The following CABLES2 variants were observed in gnomAD, a reference collection of about 807,000 sequenced individuals.
The protein encoded by CABLES2 is Cdk5 and Abl enzyme substrate 2, also known as CDK5 and ABL1 enzyme substrate 2.
In CABLES2, 35 loss-of-function variants were observed where a neutral mutation model predicts 44.8. The observed-to-expected ratio is 0.78, with a 90% CI of 0.60 to 1.04. CABLES2 has a LOEUF of 1.04. Ranked by LOEUF, CABLES2 falls within the 50% of genes least tolerant of loss-of-function variation. The probability of loss-of-function intolerance (pLI) is 0.00; values close to 1 mark genes in which losing one functional copy is unlikely to be tolerated. For synonymous variants in CABLES2, 282 were observed against 281.1 expected, an observed-to-expected ratio of 1.00 and a Z score of -0.03; for missense variants, 566 against 615.7, an observed-to-expected ratio of 0.92 and a Z score of 0.85.
intron 1 of CABLES2, chr20:62,405,802 AG>A (rs1569020345): frequency 6.6e-6 from 1 of 152,272 alleles, no homozygotes; most frequent in Non-Finnish European, 1.5e-5. Flanking sequence ...GCCGCCCAGC[AG>A]GCACTTGGAC....
chr20:62,401,593 G>A (rs1191898536), intron 1 of CABLES2, among the ~76,000 whole-genome samples: 1 of 152,206 alleles, frequency 6.6e-6, no homozygotes, highest in African/African-American at 2.4e-5. Context: ...ACCACCTTAC[G>A]CCTAGCTGGA....
intron 6 of CABLES2, 39 bp downstream of exon 6, chr20:62,393,401 T>C (rs768404396): frequency 6.5e-7 from 1 of 1,549,852 alleles, no homozygotes; most frequent in Non-Finnish European, 8.7e-7. Context: ...GGCACGCGGG[T>C]CACCCTGTTC....
Position 62,397,909 on chromosome 20 carries a change from T to C in CABLES2, c.363-1317A>G, listed in dbSNP as rs1262141748. ...GTGGTGATGGCGGTGGTGGTGATGG[T>C]GATGGCAGTGGTGATGGTGGTGGTG... On this transcript the variant is annotated intron_variant, in intron 1 of 9. Coordinates refer to ENST00000279101, the MANE Select transcript of CABLES2 (RefSeq NM_031215.3). Among the ~76,000 whole-genome samples, 982 of 148,630 alleles carry C rather than the reference T, an allele frequency of 6.6e-3. 37 individuals are homozygous for C. Among genetic ancestry groups the C allele is most frequent in the African/African-American group, 0.023 (912 of 40,048 alleles).
chr20:62,392,577 C>G, intron 7 of CABLES2, 82 bp from the exon 8 acceptor site: 4 of 1,044,468 alleles, frequency 3.8e-6, no homozygotes, highest in Non-Finnish European at 6.0e-6. Context: ...GGATTTCTCA[C>G]TGTCCTGGGT....
At position 62,401,743 on chromosome 20, in the gene CABLES2, G is replaced by A. The variant is rs552728923; in HGVS notation, c.363-5151C>T. Among the ~76,000 whole-genome samples the A allele has an allele frequency of 1.1e-3, 168 of 152,338 alleles. 1 individual carries two copies. Among genetic ancestry groups the A allele is most frequent in the Non-Finnish European group, 1.5e-3 (102 of 68,020 alleles). On this transcript the variant is annotated intron_variant, in intron 1 of 9. Coordinates refer to ENST00000279101, the MANE Select transcript of CABLES2 (RefSeq NM_031215.3). ...TGACACAGGTCCCCTCAGTGTGGGG[G>A]AGGGGCTGAGGAGGGGCACCAGGGA... is the stretch of plus-strand genomic sequence containing the variant.
intron 1 of CABLES2, among the ~76,000 whole-genome samples, chr20:62,406,484 C>A (rs1988287406): frequency 6.6e-6 from 1 of 152,062 alleles, no homozygotes; most frequent in South Asian, 2.1e-4. Context: ...GAGATCCAGA[C>A]CCCGTATTCA....
chr20:62,397,440 C>T (rs185464095), intron 1 of CABLES2, among the ~76,000 whole-genome samples: 27 of 152,270 alleles, frequency 1.8e-4, no homozygotes, highest in Admixed American at 5.2e-4. Context: ...TTCCCATAAG[C>T]GAAACGTGCA....
Position 62,407,259 on chromosome 20 carries a change from G to A in CABLES2, c.18C>T (p.Ala6=), listed in dbSNP as rs1251583859. The A allele has an allele frequency of 4.0e-5, 23 of 572,386 alleles. No homozygotes were observed. The highest frequency in any genetic ancestry group is 1.5e-4 in the East Asian group (1 of 6,798). 35.5% of individuals were successfully genotyped at this position (572,386 alleles called of 1,614,324 possible). A position where few individuals can be genotyped will look rare whatever the true frequency, so the allele number is the denominator to read the frequency against. Residue 6 remains alanine, a synonymous_variant, in exon 1 of 10, where the codon GCC becomes GCT. Coordinates refer to ENST00000279101, the MANE Select transcript of CABLES2 (RefSeq NM_031215.3). ...CGGGGGCCGGGCCCGGGGCTCCACC[G>A]GCCGCGGCCGCGGCCATCCTCAGAC... MAAAA[A]GGAPGPAPGP...
chr20:62,394,142 C>T lies in CABLES2; in HGVS notation c.714+15G>A, dbSNP rs766669335. ...CCTGACGGCGCTGGGTGTCCACCAGCGAAGAGGCTCTTACCTTCCCGTCTG... is the reference window on the plus strand; with the variant it reads ...CCTGACGGCGCTGGGTGTCCACCAGTGAAGAGGCTCTTACCTTCCCGTCTG... On this transcript the variant is annotated intron_variant, in intron 5 of 9. Coordinates refer to ENST00000279101, the MANE Select transcript of CABLES2 (RefSeq NM_031215.3). The T allele has an allele frequency of 2.9e-5, 47 of 1,607,922 alleles. No homozygotes were observed. Among genetic ancestry groups the T allele is most frequent in the Non-Finnish European group, 3.7e-5 (44 of 1,175,330 alleles).
At position 62,396,504 on chromosome 20, in the gene CABLES2, C is replaced by A. The variant is rs186885673; in HGVS notation, c.434+17G>T. The A allele has an allele frequency of 6.2e-7, 1 of 1,613,632 alleles. No individual in the cohort carries two copies. Among genetic ancestry groups the A allele is most frequent in the Non-Finnish European group, 8.5e-7 (1 of 1,179,900 alleles). Reference sequence around the variant, plus strand: ...CCGAGCGGAGTCGTAGAGCTCGGGGCGGACGGGGGCGTGTACCTCTGTGCT... The same window carrying A: ...CCGAGCGGAGTCGTAGAGCTCGGGGAGGACGGGGGCGTGTACCTCTGTGCT... On this transcript the variant is annotated intron_variant, in intron 2 of 9. Transcript: ENST00000279101. This position sits in a 1 kb window ranked among gnomAD's most constrained non-coding sequence, Gnocchi z 5.7.
At chr20:62,405,039 T>A (rs1988255316) in intron 1 of CABLES2, 1 of 152,280 alleles carries the variant, frequency 6.6e-6, no homozygotes. Context: ...CTCCCTCCAC[T>A]CAAGTGGGCT....
At chr20:62,399,661 T>C (rs1368466518) in intron 1 of CABLES2, among the ~76,000 whole-genome samples, 1 of 147,406 alleles carries the variant, frequency 6.8e-6, no homozygotes, top group African/African-American at 2.5e-5. Flanking sequence ...TGGCACAATC[T>C]TGGCTCAGTG....
intron 1 of CABLES2, among the ~76,000 whole-genome samples, chr20:62,397,947 A>ATGGTGATGG (rs1569017191): frequency 1.4e-4 from 1 of 7,234 alleles, no homozygotes; most frequent in Non-Finnish European, 2.8e-4. Context: ...GATGGTGGTG[A>ATGGTGATGG]CGGTAGTGGT....
Position 62,396,296 on chromosome 20 carries a change from T to A in CABLES2, c.527+19A>T. Reference sequence around the variant, plus strand: ...ATGGAGACCACAGCCCTGGCCCGGTTCCCGGCTCCGCTTCATACCTGCTGT... The same window carrying A: ...ATGGAGACCACAGCCCTGGCCCGGTACCCGGCTCCGCTTCATACCTGCTGT... On this transcript the variant is annotated intron_variant, in intron 3 of 9. Transcript: ENST00000279101. This position sits in a 1 kb window ranked among gnomAD's most constrained non-coding sequence, Gnocchi z 5.7. The A allele has an allele frequency of 6.2e-7, 1 of 1,610,418 alleles. No homozygotes were observed. Among genetic ancestry groups the A allele is most frequent in the Middle Eastern group, 1.7e-4 (1 of 6,050 alleles).
At position 62,390,480 on chromosome 20, in the gene CABLES2, A is replaced by G. The variant is rs1393749795; in HGVS notation, c.*491T>C. The G allele has an allele frequency of 6.4e-6, 1 of 155,514 alleles. No homozygotes were observed. The highest frequency in any genetic ancestry group is 1.9e-4 in the East Asian group (1 of 5,326). 9.6% of individuals were successfully genotyped at this position (155,514 alleles called of 1,614,324 possible). A position where few individuals can be genotyped will look rare whatever the true frequency, so the allele number is the denominator to read the frequency against. On this transcript the variant is annotated 3_prime_UTR_variant, in exon 10 of 10. Coordinates refer to ENST00000279101, the MANE Select transcript of CABLES2 (RefSeq NM_031215.3). ...TCGGGAGATGCTGCTGGGGAACCCG[A>G]AAAACCACATCTCCAAGATGAATGC... is the stretch of plus-strand genomic sequence containing the variant.
chr20:62,391,538 G>A lies in CABLES2; in HGVS notation c.1092-85C>T. 3 of 1,399,748 alleles carry A rather than the reference G, an allele frequency of 2.1e-6. No individual in the cohort carries two copies. Among genetic ancestry groups the A allele is most frequent in the East Asian group, 2.3e-5 (1 of 43,588 alleles). 86.7% of individuals were successfully genotyped at this position (1,399,748 alleles called of 1,614,324 possible). A position where few individuals can be genotyped will look rare whatever the true frequency, so the allele number is the denominator to read the frequency against. ...CCCCTGCCACCACCAACCGAGGCTG[G>A]AGCGATGTAGCTTTGGGCCGCAAGA... On this transcript the variant is annotated intron_variant, in intron 8 of 9. Transcript: ENST00000279101. This position sits in a 1 kb window ranked among gnomAD's most constrained non-coding sequence, Gnocchi z 5.7.
rs768872374 is a variant in CABLES2, at chr20:62,406,907, C to G, written c.362+8G>C. ...GTCCTGGGCTGACCTGGCCGGGCCC[C>G]CACTCACCTCTGGCGCTGCCCATCC... On this transcript the variant is annotated splice_region_variant and intron_variant, in intron 1 of 9. Coordinates refer to ENST00000279101, the MANE Select transcript of CABLES2 (RefSeq NM_031215.3). 1.6e-6 allele frequency: 2 copies of G among 1,216,774 alleles called. No individual in the cohort carries two copies. Among genetic ancestry groups the G allele is most frequent in the African/African-American group, 1.6e-5 (1 of 63,636 alleles). 75.4% of individuals were successfully genotyped at this position (1,216,774 alleles called of 1,614,324 possible).
Position 62,396,386 on chromosome 20 carries a change from T to A in CABLES2, c.456A>T (p.Ser152=). Residue 152 remains serine (S), a synonymous_variant, in exon 3 of 10, where the codon TCA becomes TCT. Coordinates refer to ENST00000279101, the MANE Select transcript of CABLES2 (RefSeq NM_031215.3). This position sits in a 1 kb window ranked among gnomAD's most constrained non-coding sequence, Gnocchi z 5.7. ...TCTTCTTCAGGCCTTTATGTCTCGGTGATCCAGATGTGTGTTTGGTTCTGC... is the reference window on the plus strand; with the variant it reads ...TCTTCTTCAGGCCTTTATGTCTCGGAGATCCAGATGTGTGTTTGGTTCTGC... The part of the protein sequence containing the change: ...PAQRTKHTSG[S]PRHKGLKKTH... 1.2e-6 allele frequency: 2 copies of A among 1,614,058 alleles called. No homozygotes were observed. Among genetic ancestry groups the A allele is most frequent in the Non-Finnish European group, 1.7e-6 (2 of 1,180,004 alleles).
At chr20:62,406,098 G>A (rs1988277737) in intron 1 of CABLES2, among the ~76,000 whole-genome samples, 1 of 152,146 alleles carries the variant, frequency 6.6e-6, no homozygotes, top group African/African-American at 2.4e-5. Flanking sequence ...GGGTGTGACA[G>A]ACCCAAAGAT....
Sources: allele counts gnomAD v4.1 joint callset (sites outside exome capture counted in the v4.1 genomes callset), GRCh38; gene constraint gnomAD v4.1.1; non-coding constraint Gnocchi (gnomAD v3.1); transcripts MANE v1.5; gene names NCBI Gene and HGNC (gene_info 2026-07-23, HGNC 2026-07-21).